The following PTPRD variants were observed in gnomAD, a reference collection of about 807,000 sequenced individuals.
PTPRD encodes the protein receptor-type tyrosine-protein phosphatase delta.
Under a neutral mutation model 214.5 loss-of-function variants are expected in PTPRD, and 34 were observed. The observed-to-expected ratio is 0.16, with a 90% confidence interval of 0.12 to 0.21. The LOEUF (loss-of-function observed/expected upper bound fraction) is 0.21, where lower values mean the gene tolerates loss of function less well. Among genes scored for constraint, PTPRD ranks in the 10% least tolerant of loss-of-function variants. PTPRD has a pLI of 1.00. For missense variants in PTPRD, 2,545 were observed against 2,398.7 expected, an observed-to-expected ratio of 1.06 and a Z score of -1.27; for synonymous variants, 1,128 against 845.7, an observed-to-expected ratio of 1.33 and a Z score of -5.79.
intron 4 of PTPRD, among the ~76,000 whole-genome samples, chr9:10,017,280 C>T (rs186598659): frequency 6.3e-4 from 95 of 151,668 alleles, no homozygotes; most frequent in Non-Finnish European, 1.2e-3. Flanking sequence ...ATTTCTTTGT[C>T]CATTTATTTT....
chr9:8,450,575 A>G (rs1460889584), intron 33 of PTPRD, among the ~76,000 whole-genome samples: 2 of 152,236 alleles, frequency 1.3e-5, no homozygotes, highest in African/African-American at 4.8e-5. Context: ...TAATCATTCA[A>G]GGTGCCATTG....
intron 5 of PTPRD, among the ~76,000 whole-genome samples, chr9:9,784,717 G>A (rs2098904258): frequency 6.6e-6 from 1 of 151,698 alleles, no homozygotes; most frequent in South Asian, 2.1e-4. Context: ...GTGAAGTCCA[G>A]TGTCAAAATA....
chr9:8,496,863 T>C (rs528656857), intron 26 of PTPRD, among the ~76,000 whole-genome samples: 2 of 152,354 alleles, frequency 1.3e-5, no homozygotes, highest in South Asian at 4.1e-4. Context: ...TCATCAGCTG[T>C]AGTTAATGTT....
rs16928331 is a variant in PTPRD, at chr9:8,720,881, G to C, written c.64+12899C>G. 5.8e-4 allele frequency among the ~76,000 whole-genome samples: 88 copies of C among 152,084 alleles called. No homozygotes were observed. In the East Asian group the frequency reaches 0.015, roughly 26 times the overall value. On this transcript the variant is annotated intron_variant, in intron 12 of 45. Coordinates refer to ENST00000381196, the MANE Select transcript of PTPRD (RefSeq NM_002839.4). ...GACCTGATGCCCACTGGCATCTCTT[G>C]GGCCCTCTGGCTGCTGTGCATTTTG... is the stretch of plus-strand genomic sequence containing the variant.
intron 2 of PTPRD, among the ~76,000 whole-genome samples, chr9:10,388,761 C>T (rs939703749): frequency 6.6e-6 from 1 of 151,708 alleles, no homozygotes; most frequent in African/African-American, 2.4e-5. Context: ...GTTTCTTCCT[C>T]TTTAAAAGTA....
At chr9:10,375,602 T>G (rs1001862668) in intron 2 of PTPRD, among the ~76,000 whole-genome samples, 1 of 152,034 alleles carries the variant, frequency 6.6e-6, no homozygotes, top group African/African-American at 2.4e-5. Context: ...AAAAGAATAG[T>G]TCAGTAATTT....
chr9:8,806,813 A>G (rs1184871287), intron 11 of PTPRD, among the ~76,000 whole-genome samples: 1 of 152,182 alleles, frequency 6.6e-6, no homozygotes, highest in African/African-American at 2.4e-5. Flanking sequence ...GCCCAAATTA[A>G]GTACTCAAAC....
At chr9:9,521,678 G>A (rs189181038) in intron 8 of PTPRD, among the ~76,000 whole-genome samples, 1 of 152,194 alleles carries the variant, frequency 6.6e-6, no homozygotes, top group East Asian at 1.9e-4. Context: ...CCTCGTAAAT[G>A]ACATACACAT....
intron 4 of PTPRD, among the ~76,000 whole-genome samples, chr9:10,004,860 A>G (rs983958611): frequency 6.6e-6 from 1 of 152,120 alleles, no homozygotes. Context: ...TTAAAAGCAG[A>G]TCAGGGTTTA....
intron 3 of PTPRD, among the ~76,000 whole-genome samples, chr9:10,085,124 TTAATA>T (rs1306924703): frequency 6.6e-6 from 1 of 151,946 alleles, no homozygotes; most frequent in African/African-American, 2.4e-5. Context: ...TCATTCTCTT[TTAATA>T]TTTCTATTTG....
chr9:10,533,292 A>T (rs1211456357), intron 2 of PTPRD, among the ~76,000 whole-genome samples: 1 of 152,128 alleles, frequency 6.6e-6, no homozygotes, highest in Non-Finnish European at 1.5e-5. Flanking sequence ...GGTCTCAGGA[A>T]TTCTGTGATA....
At chr9:9,789,752 G>A (rs921323002) in intron 5 of PTPRD, among the ~76,000 whole-genome samples, 17 of 126,486 alleles carry the variant, frequency 1.3e-4, no homozygotes, top group African/African-American at 5.0e-4. Context: ...AGCCGAGATT[G>A]CGCCACTGCA....
intron 7 of PTPRD, among the ~76,000 whole-genome samples, chr9:9,577,413 A>C (rs894251459): frequency 1.3e-5 from 2 of 151,892 alleles, no homozygotes; most frequent in African/African-American, 4.8e-5. Flanking sequence ...AAAAATACAA[A>C]AATTAGCCAG....
At chr9:10,512,922 G>C (rs1244074132) in intron 2 of PTPRD, among the ~76,000 whole-genome samples, 1 of 152,010 alleles carries the variant, frequency 6.6e-6, no homozygotes, top group Non-Finnish European at 1.5e-5. Context: ...TAAGGGTACT[G>C]TCAAGAGGAC....
At chr9:10,569,655 T>C (rs529341639) in intron 2 of PTPRD, among the ~76,000 whole-genome samples, 8 of 152,216 alleles carry the variant, frequency 5.3e-5, no homozygotes, top group East Asian at 3.9e-4. Context: ...TTATAACATT[T>C]TCTCTATAAT....
intron 10 of PTPRD, among the ~76,000 whole-genome samples, chr9:9,095,012 C>A (rs1372982955): frequency 6.6e-6 from 1 of 152,170 alleles, no homozygotes; most frequent in East Asian, 1.9e-4. Context: ...GAATGTCTAG[C>A]CCAACATTTG....
At chr9:9,356,297 G>A (rs2053756428) in intron 9 of PTPRD, among the ~76,000 whole-genome samples, 1 of 151,388 alleles carries the variant, frequency 6.6e-6, no homozygotes, top group Admixed American at 6.6e-5. Flanking sequence ...AGGAAAAATT[G>A]ATGTAGAAGA....
chr9:10,004,063 T>C (rs1458113349), intron 4 of PTPRD, among the ~76,000 whole-genome samples: 1 of 151,898 alleles, frequency 6.6e-6, no homozygotes, highest in African/African-American at 2.4e-5. Flanking sequence ...ATTTAATGGG[T>C]ATTTATGGAG....
intron 5 of PTPRD, among the ~76,000 whole-genome samples, chr9:9,819,771 A>G (rs1336484464): frequency 6.6e-6 from 1 of 152,020 alleles, no homozygotes. Flanking sequence ...TCCTGCACCA[A>G]TTTGCTTAGG....
Sources: gnomAD v4.1 joint callset for allele counts (sites outside exome capture counted in the v4.1 genomes callset) on GRCh38, gnomAD v4.1.1 for gene constraint, MANE v1.5 for transcripts, NCBI Gene and HGNC (gene_info 2026-07-23, HGNC 2026-07-21) for gene names.